The following BICC1 variants were observed in gnomAD, a reference collection of about 807,000 sequenced individuals.
BICC1 encodes BicC family RNA binding protein 1, also known as protein bicaudal C homolog 1.
BICC1 carries 43 observed loss-of-function variants against 111.0 expected under a neutral mutation model. That is an observed-to-expected ratio of 0.39 (90% CI 0.30 to 0.50). The LOEUF is 0.50. Ranked by LOEUF, BICC1 falls within the 20% of genes least tolerant of loss-of-function variation. The pLI is 0.88. For synonymous variants in BICC1, 467 were observed against 434.4 expected, an observed-to-expected ratio of 1.07 and a Z score of -0.93; for missense variants, 1,091 against 1,203.2, an observed-to-expected ratio of 0.91 and a Z score of 1.38.
chr10:58,620,993 C>CAGA, intron 2 of BICC1, 92 bp downstream of exon 2: 2 of 1,057,012 alleles, frequency 1.9e-6, no homozygotes, highest in East Asian at 5.1e-5. Context: ...CGCTCCCCTT[C>CAGA]ATGTGGAGGA....
At position 58,755,686 on chromosome 10, in the gene BICC1, A is replaced by AT. The variant is rs921873059; in HGVS notation, c.308-29305dup. On this transcript the variant is annotated intron_variant, in intron 3 of 20. Transcript: ENST00000373886. Reference sequence around the variant, plus strand: ...TCTTGTATTTTTTTTTCTCCTTTTTATTTTTTTTTTCTTTTTGGCCTAAGT... The same window carrying AT: ...TCTTGTATTTTTTTTTCTCCTTTTTATTTTTTTTTTTCTTTTTGGCCTAAGT... 5.0e-3 allele frequency among the ~76,000 whole-genome samples: 743 copies of AT among 147,404 alleles called. 7 individuals carry two copies. Among genetic ancestry groups the AT allele is most frequent in the African/African-American group, 0.017 (677 of 40,002 alleles).
intron 2 of BICC1, among the ~76,000 whole-genome samples, chr10:58,634,420 CA>C (rs1837893393): frequency 6.6e-6 from 1 of 152,164 alleles, no homozygotes; most frequent in Admixed American, 6.5e-5. Context: ...ACCCCAGGTA[CA>C]GGTTTGTCTG....
chr10:58,700,754 G>C (rs1840209274), intron 2 of BICC1, among the ~76,000 whole-genome samples: 1 of 152,072 alleles, frequency 6.6e-6, no homozygotes, highest in Non-Finnish European at 1.5e-5. Flanking sequence ...TAGGGACTGG[G>C]AGCAGCTCAG....
chr10:58,688,417 C>T (rs1246025213), intron 2 of BICC1, among the ~76,000 whole-genome samples: 1 of 152,068 alleles, frequency 6.6e-6, no homozygotes, highest in African/African-American at 2.4e-5. Context: ...GCTAGACAAA[C>T]AGCACTGATT....
chr10:58,550,841 T>G (rs1217167119), intron 1 of BICC1, among the ~76,000 whole-genome samples: 1 of 152,178 alleles, frequency 6.6e-6, no homozygotes, highest in East Asian at 1.9e-4. Context: ...GGAGTTTGAT[T>G]TTAATTGGTA....
intron 2 of BICC1, among the ~76,000 whole-genome samples, chr10:58,644,021 TA>T (rs201072886): frequency 0.031 from 4,716 of 152,298 alleles, 125 homozygotes; most frequent in Non-Finnish European, 0.046. Flanking sequence ...AAATCAGTTC[TA>T]AAAAAGTTAG....
chr10:58,629,779 T>G (rs2132168610), intron 2 of BICC1, among the ~76,000 whole-genome samples: 2 of 152,342 alleles, frequency 1.3e-5, no homozygotes, highest in South Asian at 4.1e-4. Flanking sequence ...TTCTTAACAA[T>G]GATCTTTGGC....
At chr10:58,729,871 C>T (rs1841233839) in intron 3 of BICC1, among the ~76,000 whole-genome samples, 1 of 152,202 alleles carries the variant, frequency 6.6e-6, no homozygotes, top group Non-Finnish European at 1.5e-5. Context: ...TGCCTCCCAC[C>T]AGGCCCCACC....
At chr10:58,816,682 C>T (rs1262353622) in intron 18 of BICC1, among the ~76,000 whole-genome samples, 3 of 151,904 alleles carry the variant, frequency 2.0e-5, no homozygotes, top group African/African-American at 7.3e-5. Context: ...ATTTCCCACA[C>T]AGGCAAGAGC....
At chr10:58,520,606 A>G (rs1037392559) in intron 1 of BICC1, among the ~76,000 whole-genome samples, 10 of 152,198 alleles carry the variant, frequency 6.6e-5, no homozygotes, top group African/African-American at 2.4e-4. Flanking sequence ...AGTGAGAATG[A>G]TAAACCACAT....
At chr10:58,579,648 C>T (rs1469391241) in intron 1 of BICC1, among the ~76,000 whole-genome samples, 1 of 152,204 alleles carries the variant, frequency 6.6e-6, no homozygotes, top group Non-Finnish European at 1.5e-5. Flanking sequence ...GTGTTCATCC[C>T]TAATTGTTCC....
chr10:58,762,459 GA>G (rs1205466148), intron 3 of BICC1, among the ~76,000 whole-genome samples: 1 of 152,134 alleles, frequency 6.6e-6, no homozygotes, highest in African/African-American at 2.4e-5. Context: ...GGTTTTACAT[GA>G]TGTAGTATCT....
At chr10:58,719,297 A>G (rs1213075193) in intron 3 of BICC1, among the ~76,000 whole-genome samples, 3 of 152,156 alleles carry the variant, frequency 2.0e-5, no homozygotes, top group African/African-American at 7.2e-5. Flanking sequence ...TTGTTCCTCA[A>G]CTCATTATGC....
At position 58,731,724 on chromosome 10, in the gene BICC1, GA is replaced by G. The variant is rs1193223418; in HGVS notation, c.307+29582del. ...GGACAAGGGGAGAGAGAGAGAGAGAGAGAGAGAGGGAGGGAGTGGGGGAGAG... is the reference window on the plus strand; with the variant it reads ...GGACAAGGGGAGAGAGAGAGAGAGAGGAGAGAGGGAGGGAGTGGGGGAGAG... On this transcript the variant is annotated intron_variant, in intron 3 of 20. Transcript: ENST00000373886. Among the ~76,000 whole-genome samples the G allele has an allele frequency of 3.8e-3, 577 of 152,066 alleles. 3 individuals carry two copies. The highest frequency in any genetic ancestry group is 6.8e-3 in the Non-Finnish European group (459 of 67,980).
At position 58,800,271 on chromosome 10, in the gene BICC1, G is replaced by A. The variant is rs767919738; in HGVS notation, c.1803G>A (p.Pro601=). 2.7e-5 allele frequency: 44 copies of A among 1,613,574 alleles called. No homozygotes were observed. In the East Asian group the frequency reaches 6.5e-4, roughly 24 times the overall value. The part of the protein sequence containing the change: ...EKVLSANHGD[P]SIQTSGSEQT... ...TGCTGAGTGCAAATCACGGGGATCC[G>A]TCCATCCAGACAAGTGGGTCTGAGC... Residue 601 remains proline, a synonymous_variant, in exon 13 of 21, where the codon CCG becomes CCA. Coordinates refer to ENST00000373886, the MANE Select transcript of BICC1 (RefSeq NM_001080512.3).
At chr10:58,568,308 T>C (rs976184592) in intron 1 of BICC1, among the ~76,000 whole-genome samples, 11 of 152,100 alleles carry the variant, frequency 7.2e-5, no homozygotes, top group Non-Finnish European at 1.5e-4. Flanking sequence ...AGATGCCAAG[T>C]AGAGCCCTAG....
At chr10:58,602,365 T>C (rs1845069244) in intron 1 of BICC1, among the ~76,000 whole-genome samples, 1 of 152,202 alleles carries the variant, frequency 6.6e-6, no homozygotes, top group East Asian at 1.9e-4. Context: ...GGTAACATTA[T>C]GTTATAACTT....
intron 1 of BICC1, among the ~76,000 whole-genome samples, chr10:58,542,437 A>ATTTTT (rs1179739992): frequency 3.0e-4 from 45 of 151,854 alleles, no homozygotes; most frequent in Non-Finnish European, 5.3e-4. Context: ...ACAGGGGAAA[A>ATTTTT]GCTTCATGAC....
In BICC1 at chr10:58,575,988, A is replaced by G. The variant is rs189257720; in HGVS notation, c.191-44867A>G. 3.6e-3 allele frequency among the ~76,000 whole-genome samples: 543 copies of G among 152,278 alleles called. 3 individuals carry two copies. Among genetic ancestry groups the G allele is most frequent in the African/African-American group, 0.012 (504 of 41,568 alleles). On this transcript the variant is annotated intron_variant, in intron 1 of 20. Transcript: ENST00000373886. ...TAAGAATAAGTGATAATATTTTACA[A>G]TTTTTTGGTGTGTGCTTTAAATAGG...
Sources: allele counts gnomAD v4.1 joint callset (sites outside exome capture counted in the v4.1 genomes callset), GRCh38; gene constraint gnomAD v4.1.1; transcripts MANE v1.5; gene names NCBI Gene and HGNC (gene_info 2026-07-23, HGNC 2026-07-21).